ASMTL: variants seen among roughly 807,000 people sequenced by gnomAD.
The protein encoded by ASMTL is probable bifunctional dTTP/UTP pyrophosphatase/methyltransferase protein.
ASMTL carries 57 observed loss-of-function variants against 60.3 expected under a neutral mutation model. That is an observed-to-expected ratio of 0.95 (90% CI 0.76 to 1.18). The LOEUF is 1.18. Ranked by LOEUF, ASMTL falls within the 50% of genes most tolerant of loss-of-function variation. The probability of loss-of-function intolerance (pLI) is 0.00; values close to 1 mark genes in which losing one functional copy is unlikely to be tolerated. For missense variants in ASMTL, 981 were observed against 852.6 expected, an observed-to-expected ratio of 1.15 and a Z score of -1.88; for synonymous variants, 419 against 373.0, an observed-to-expected ratio of 1.12 and a Z score of -1.42.
intron 6 of ASMTL, among the ~76,000 whole-genome samples, chrX:1,430,803 TATAAA>T (rs1313790417): frequency 2.7e-5 from 4 of 147,186 alleles, no homozygotes; most frequent in African/African-American, 9.9e-5. Context: ...TATATAAATA[TATAAA>T]ATAAACATAT....
At chrX:1,421,899 A>T (rs2149303281) in intron 8 of ASMTL, 57 bp from the exon 9 acceptor site, 2 of 1,498,678 alleles carry the variant, frequency 1.3e-6, no homozygotes, top group East Asian at 4.5e-5. Flanking sequence ...AGGAAACCTG[A>T]CCGTAGGGGA....
rs2090950249 is a variant in ASMTL at position 1,435,768 on chromosome X, G to T, written c.274-10C>A. The stretch of plus-strand genomic sequence containing the variant: ...TCAGCCCCCCGACTGTCTGTGAGAG[G>T]AAGGGACAGAGGGAGTTGGTTCCCA... On this transcript the variant is annotated splice_polypyrimidine_tract_variant and intron_variant, in intron 3 of 12. Transcript: ENST00000381317. The T allele has an allele frequency of 1.2e-6, 2 of 1,612,928 alleles. No individual in the cohort carries two copies. Among genetic ancestry groups the T allele is most frequent in the Non-Finnish European group, 1.7e-6 (2 of 1,179,334 alleles).
At chrX:1,419,265 G>C (rs1169826252) in intron 9 of ASMTL, 151 bp from the exon 10 acceptor site, 1 of 840,098 alleles carries the variant, frequency 1.2e-6, no homozygotes, top group South Asian at 1.7e-5. Flanking sequence ...TGCCACAGCT[G>C]TGTGGGCTAC....
chrX:1,412,695 C>G lies in ASMTL; in HGVS notation c.1645+37G>C, dbSNP rs780873467. 48 of 1,613,712 alleles carry G rather than the reference C, an allele frequency of 3.0e-5. 3 individuals carry two copies. In the South Asian group the frequency reaches 4.9e-4, roughly 17 times the overall value. On this transcript the variant is annotated intron_variant, in intron 12 of 12. Transcript: ENST00000381317. Reference sequence around the variant, plus strand: ...AAAACTTGAACCCAAAATACTACGTCTTAACAAAAACAGCTAACCTGACGA... The same window carrying G: ...AAAACTTGAACCCAAAATACTACGTGTTAACAAAAACAGCTAACCTGACGA...
intron 9 of ASMTL, among the ~76,000 whole-genome samples, chrX:1,419,835 C>T (rs1603450900): frequency 6.6e-6 from 1 of 152,310 alleles, no homozygotes. Context: ...CTGTCCTCTG[C>T]GATGCCCACG....
chrX:1,446,432 A>G (rs1356847429), intron 1 of ASMTL, among the ~76,000 whole-genome samples: 6 of 143,816 alleles, frequency 4.2e-5, no homozygotes, highest in Admixed American at 1.4e-4. Context: ...TTATTTCTAC[A>G]CTCTCATGCC....
intron 3 of ASMTL, among the ~76,000 whole-genome samples, chrX:1,436,940 T>A (rs1247120566): frequency 3.3e-5 from 5 of 152,240 alleles, no homozygotes; most frequent in African/African-American, 1.2e-4. Flanking sequence ...TCGTGGAGAC[T>A]GGAAGGGCGA....
chrX:1,441,810 GATATT>G (rs1487192132), intron 2 of ASMTL: 1 of 192,384 alleles, frequency 5.2e-6, no homozygotes, highest in Non-Finnish European at 1.1e-5. Flanking sequence ...ATTGCAAGAG[GATATT>G]ATAACACATA....
At chrX:1,429,069 G>T (rs1369853313) in intron 6 of ASMTL, among the ~76,000 whole-genome samples, 1 of 151,300 alleles carries the variant, frequency 6.6e-6, no homozygotes, top group African/African-American at 2.4e-5. Flanking sequence ...GCTAATTTTT[G>T]TATTTAGTAG....
Position 1,428,296 on chromosome X carries a change from C to T in ASMTL, c.510-175G>A, listed in dbSNP as rs1230656385. 16 of 292,392 alleles carry T rather than the reference C, an allele frequency of 5.5e-5. No homozygotes were observed. The South Asian group carries it at 9.7e-4, about 18-fold the overall frequency. The allele number at this position is 292,392 out of a possible 1,614,324, so 18.1% of individuals were successfully genotyped here. A position where few individuals can be genotyped will look rare whatever the true frequency, so the allele number is the denominator to read the frequency against. On this transcript the variant is annotated intron_variant, in intron 6 of 12. Coordinates refer to ENST00000381317, the MANE Select transcript of ASMTL (RefSeq NM_004192.4). Reference sequence around the variant, plus strand: ...AAAAAAATACAAAAAATTAGCCAGGCGTGGGGGCAGGCGCCTTTGGCATCT... The same window carrying T: ...AAAAAAATACAAAAAATTAGCCAGGTGTGGGGGCAGGCGCCTTTGGCATCT...
At chrX:1,433,159 C>A (rs1485756243) in intron 5 of ASMTL, among the ~76,000 whole-genome samples, 1 of 151,988 alleles carries the variant, frequency 6.6e-6, no homozygotes, top group African/African-American at 2.4e-5. Flanking sequence ...GGACACAGAG[C>A]CCCTGAATCC....
At chrX:1,415,551 C>T (rs1156865765) in intron 11 of ASMTL, among the ~76,000 whole-genome samples, 5 of 151,968 alleles carry the variant, frequency 3.3e-5, no homozygotes, top group Middle Eastern at 3.4e-3. Flanking sequence ...CTGCAACCTC[C>T]GCCTCCCAGG....
Position 1,438,278 on chromosome X carries a change from C to T in ASMTL, c.273+819G>A, listed in dbSNP as rs147691938. Among the ~76,000 whole-genome samples the T allele has an allele frequency of 1.4e-4, 18 of 127,538 alleles. 1 individual carries two copies. The highest frequency in any genetic ancestry group is 1.1e-3 in the Admixed American group (15 of 13,096). 83.7% of individuals were successfully genotyped at this position (127,538 alleles called of 152,430 possible). On this transcript the variant is annotated intron_variant, in intron 3 of 12. Transcript: ENST00000381317. Reference sequence around the variant, plus strand: ...AGCCTGGGCAACACAGTGAGACTCTCTCTCAAAAAAAAAAAAGAAGAGGGA... The same window carrying T: ...AGCCTGGGCAACACAGTGAGACTCTTTCTCAAAAAAAAAAAAGAAGAGGGA...
intron 1 of ASMTL, among the ~76,000 whole-genome samples, chrX:1,448,232 C>T (rs1277975080): frequency 2.0e-5 from 3 of 151,302 alleles, no homozygotes; most frequent in African/African-American, 7.3e-5. Flanking sequence ...CTTGGACACA[C>T]ACTGCCATCT....
At chrX:1,406,988 T>A (rs1255432289) in intron 12 of ASMTL, among the ~76,000 whole-genome samples, 1 of 151,322 alleles carries the variant, frequency 6.6e-6, no homozygotes, top group Non-Finnish European at 1.5e-5. Flanking sequence ...GATGAATGGA[T>A]GGATAGATGC....
At chrX:1,434,822 A>T (rs2090918289) in intron 5 of ASMTL, among the ~76,000 whole-genome samples, 200 bp downstream of exon 5, 1 of 151,750 alleles carries the variant, frequency 6.6e-6, no homozygotes, top group African/African-American at 2.4e-5. Flanking sequence ...AAAGAAAAAG[A>T]AAAAGATAAA....
At chrX:1,423,728 C>A (rs1405151161) in intron 8 of ASMTL, among the ~76,000 whole-genome samples, 1 of 151,546 alleles carries the variant, frequency 6.6e-6, no homozygotes, top group Non-Finnish European at 1.5e-5. Context: ...ATCCAGCAAT[C>A]CACTGATACA....
chrX:1,423,484 A>G (rs62605752), intron 8 of ASMTL, among the ~76,000 whole-genome samples: 101,476 of 151,714 alleles, frequency 0.67, 34,932 homozygotes, highest in South Asian at 0.87. Flanking sequence ...TGTGCTCTCT[A>G]TTCTAGCACC....
rs748890997 is a variant in ASMTL at position 1,403,230 on chromosome X, G to A, written c.*39C>T. ...GGACCGGGCGGTCCACCTGCAGCCTGGGGGAGGACATCCCTATAATGAACA... is the reference window on the plus strand; with the variant it reads ...GGACCGGGCGGTCCACCTGCAGCCTAGGGGAGGACATCCCTATAATGAACA... On this transcript the variant is annotated 3_prime_UTR_variant, in exon 13 of 13. Transcript: ENST00000381317. The A allele has an allele frequency of 1.9e-6, 3 of 1,575,732 alleles. No homozygotes were observed. Among genetic ancestry groups the A allele is most frequent in the Non-Finnish European group, 2.6e-6 (3 of 1,147,928 alleles).
Sources: gnomAD v4.1 joint callset for allele counts (sites outside exome capture counted in the v4.1 genomes callset) on GRCh38, gnomAD v4.1.1 for gene constraint, MANE v1.5 for transcripts, NCBI Gene and HGNC (gene_info 2026-07-23, HGNC 2026-07-21) for gene names.